AHCTF1: variants seen among roughly 807,000 people sequenced by gnomAD.
AHCTF1 encodes AT-hook containing transcription factor 1, also known as protein ELYS.
Under a neutral mutation model 248.4 loss-of-function variants are expected in AHCTF1, and 24 were observed. The ratio of observed to expected loss-of-function variants is 0.10; its 90% CI spans 0.07 to 0.14. AHCTF1 has a LOEUF of 0.14. Ranked by LOEUF, AHCTF1 falls within the 10% of genes least tolerant of loss-of-function variation. The probability of loss-of-function intolerance (pLI) is 1.00; values close to 1 mark genes in which losing one functional copy is unlikely to be tolerated. For synonymous variants in AHCTF1, 786 were observed against 929.8 expected (o/e 0.85, Z 2.81); for missense variants, 2,206 against 2,636.2 (o/e 0.84, Z 3.57).
At chr1:246,911,790 T>C (rs1286128025) in intron 4 of AHCTF1, among the ~76,000 whole-genome samples, 1 of 152,296 alleles carries the variant, frequency 6.6e-6, no homozygotes, top group East Asian at 1.9e-4. Context: ...AGCTCTTCTA[T>C]TAAGATATTT....
intron 21 of AHCTF1, among the ~76,000 whole-genome samples, chr1:246,883,968 T>C (rs2103122173): frequency 6.6e-6 from 1 of 152,272 alleles, no homozygotes; most frequent in East Asian, 1.9e-4. Context: ...CTTCCAAACA[T>C]GTTTCTTCCA....
intron 15 of AHCTF1, among the ~76,000 whole-genome samples, chr1:246,891,536 A>G (rs1410039510): frequency 2.0e-5 from 3 of 152,232 alleles, no homozygotes; most frequent in Non-Finnish European, 4.4e-5. Flanking sequence ...CTGCAAATAC[A>G]TTAATCTTAA....
At chr1:246,923,541 A>G (rs1332790246) in intron 1 of AHCTF1, among the ~76,000 whole-genome samples, 5 of 152,262 alleles carry the variant, frequency 3.3e-5, no homozygotes, top group Non-Finnish European at 7.3e-5. Context: ...CAGAATCACT[A>G]AGTTCAGCAG....
rs747271989 is a variant in AHCTF1, at chr1:246,851,329, A to G, written c.4677T>C (p.Thr1559=). The change falls in exon 33 of 36, where the codon ACT becomes ACC. Residue 1559 remains threonine (T), a synonymous_variant. Transcript: ENST00000648844. ...GTLKLQYNFD[T]IDQQFCDLAD... ...CTAAGTCACAAAACTGTTGGTCAAT[A>G]GTATCAAAATTGTACTGAAGCTTAA... 1.2e-6 allele frequency: 2 copies of G among 1,614,144 alleles called. No individual in the cohort carries two copies. Among genetic ancestry groups the G allele is most frequent in the Admixed American group, 3.3e-5 (2 of 60,018 alleles).
intron 33 of AHCTF1, among the ~76,000 whole-genome samples, chr1:246,847,280 A>T (rs186593933): frequency 7.7e-5 from 11 of 142,116 alleles, no homozygotes; most frequent in African/African-American, 3.1e-4. Flanking sequence ...CAACAGCCAA[A>T]CTCCATCTCA....
chr1:246,925,442 T>A (rs1666861054), intron 1 of AHCTF1, among the ~76,000 whole-genome samples: 1 of 152,170 alleles, frequency 6.6e-6, no homozygotes, highest in South Asian at 2.1e-4. Context: ...GTACTAGCTC[T>A]AAGAGAATAA....
intron 19 of AHCTF1, 79 bp from the exon 20 acceptor site, chr1:246,887,436 A>G (rs1663900869): frequency 7.2e-7 from 1 of 1,381,166 alleles, no homozygotes; most frequent in Non-Finnish European, 9.9e-7. Flanking sequence ...GGTAGCAACA[A>G]AATGTAGCAT....
chr1:246,900,344 A>C lies in AHCTF1; in HGVS notation c.1243T>G (p.Ser415Ala). 1 of 1,589,396 alleles carries C rather than the reference A, an allele frequency of 6.3e-7. No homozygotes were observed. Among genetic ancestry groups the C allele is most frequent in the East Asian group, 2.2e-5 (1 of 44,742 alleles). ...NRWYHAQMPD[S>A]LRSGEYLHNC... ...AAAAAAAAAGAATCATACCTTAACG[A>C]ATCTGGCATTTGTGCATGATACCAA... Residue 415 changes from serine to alanine, a missense_variant, in exon 9 of 36, where the codon TCG becomes GCG. By Grantham distance (99) the Ser-to-Ala change is moderately conservative. Transcript: ENST00000648844.
At position 246,891,162 on chromosome 1, in the gene AHCTF1, T is replaced by C. The variant is rs1572423119; in HGVS notation, c.1946-102A>G. The C allele has an allele frequency of 7.2e-5, 47 of 649,076 alleles. No homozygotes were observed. In the East Asian group the frequency reaches 1.5e-3, roughly 20 times the overall value. 40.2% of individuals were successfully genotyped at this position (649,076 alleles called of 1,614,324 possible). A position where few individuals can be genotyped will look rare whatever the true frequency, so the allele number is the denominator to read the frequency against. On this transcript the variant is annotated intron_variant, in intron 15 of 35. Coordinates refer to ENST00000648844, the MANE Select transcript of AHCTF1 (RefSeq NM_001323342.2). ...TGGTAATTTACATAATTTGTAAATA[T>C]ATATTTTACATATACATATTTGTTC...
chr1:246,869,914 T>TAGAC (rs1662452151), intron 24 of AHCTF1, among the ~76,000 whole-genome samples: 1 of 152,204 alleles, frequency 6.6e-6, no homozygotes, highest in Admixed American at 6.5e-5. Context: ...CTGTCACAGA[T>TAGAC]AGTGATTCCT....
At position 246,857,679 on chromosome 1, in the gene AHCTF1, C is replaced by T. The variant is rs780390071; in HGVS notation, c.4256+12G>A. ...TTTCTAAAAGTATTTGAATTTCTCTCCATTAACTTACCCTTCATAGACTGA... is the reference window on the plus strand; with the variant it reads ...TTTCTAAAAGTATTTGAATTTCTCTTCATTAACTTACCCTTCATAGACTGA... On this transcript the variant is annotated intron_variant, in intron 30 of 35. Transcript: ENST00000648844. 6.3e-7 allele frequency: 1 copy of T among 1,594,768 alleles called. No homozygotes were observed. Among genetic ancestry groups the T allele is most frequent in the Admixed American group, 1.8e-5 (1 of 55,732 alleles).
chr1:246,861,198 G>A lies in AHCTF1; in HGVS notation c.3833C>T (p.Ser1278Phe), dbSNP rs1461468117. 7 of 1,613,648 alleles carry A rather than the reference G, an allele frequency of 4.3e-6. No individual in the cohort carries two copies. In the South Asian group the frequency reaches 7.7e-5, roughly 18 times the overall value. ...CTTTTCAGGGCTGTTCAGGAAAAAA[G>A]ATGTGGTCCTATCTTTGCTCTTCAG... ...EWLKSKDRTT[S>F]FFLNSPEKEH... Residue 1278 changes from serine to phenylalanine, a missense_variant, in exon 29 of 36, where the codon TCT (serine) becomes TTT (phenylalanine). Ser to Phe is a radical substitution (Grantham distance 155). This residue lies in a region of AHCTF1 where 955 missense variants were observed against 1,055.6 expected (regional missense o/e 0.90). Transcript: ENST00000648844.
chr1:246,853,028 TC>T, intron 32 of AHCTF1, 62 bp downstream of exon 32: 2 of 1,273,774 alleles, frequency 1.6e-6, no homozygotes, highest in South Asian at 2.9e-5. Flanking sequence ...AACTACTGTG[TC>T]TTGAAACAAC....
At chr1:246,860,105 C>A (rs1480193980) in intron 29 of AHCTF1, among the ~76,000 whole-genome samples, 1 of 151,618 alleles carries the variant, frequency 6.6e-6, no homozygotes, top group Non-Finnish European at 1.5e-5. Flanking sequence ...ACTAAAAATA[C>A]AAAAATTAGC....
At chr1:246,880,070 G>A (rs1031541931) in intron 21 of AHCTF1, among the ~76,000 whole-genome samples, 3 of 151,974 alleles carry the variant, frequency 2.0e-5, no homozygotes, top group African/African-American at 7.2e-5. Context: ...GTTGACATTT[G>A]TTTAGAAGAT....
chr1:246,869,074 G>A (rs1286478980), intron 24 of AHCTF1, among the ~76,000 whole-genome samples: 2 of 151,194 alleles, frequency 1.3e-5, no homozygotes, highest in Non-Finnish European at 2.9e-5. Flanking sequence ...TCGATCTCCT[G>A]ACCTCGTGAT....
At chr1:246,854,952 G>T (rs1661005857) in intron 31 of AHCTF1, among the ~76,000 whole-genome samples, 1 of 91,396 alleles carries the variant, frequency 1.1e-5, no homozygotes, top group Admixed American at 1.1e-4. Context: ...CCTAAAATGG[G>T]TGATCGGCTT....
At chr1:246,918,194 A>T in intron 2 of AHCTF1, 56 bp downstream of exon 2, 1 of 1,495,022 alleles carries the variant, frequency 6.7e-7, no homozygotes. Context: ...TATACTTATT[A>T]TTATTTATCT....
At chr1:246,858,740 G>A (rs550077374) in intron 29 of AHCTF1, among the ~76,000 whole-genome samples, 28 of 151,636 alleles carry the variant, frequency 1.8e-4, no homozygotes, top group South Asian at 4.2e-4. Context: ...CAGAGGTTGC[G>A]GTGAGCCGAG....
Sources: allele counts gnomAD v4.1 joint callset (sites outside exome capture counted in the v4.1 genomes callset), GRCh38; gene constraint gnomAD v4.1.1; regional missense constraint gnomAD v4.1.1; transcripts MANE v1.5; gene names NCBI Gene and HGNC (gene_info 2026-07-23, HGNC 2026-07-21).